BCO2: variants seen among roughly 807,000 people sequenced by gnomAD.
BCO2 encodes the protein beta-carotene oxygenase 2.
BCO2 carries 56 observed loss-of-function variants against 65.8 expected under a neutral mutation model. The observed-to-expected ratio is 0.85, with a 90% CI of 0.69 to 1.06. The LOEUF (loss-of-function observed/expected upper bound fraction) is 1.06, where lower values mean the gene tolerates loss of function less well. Ranked by LOEUF, BCO2 falls within the 50% of genes least tolerant of loss-of-function variation. The pLI, the probability that BCO2 is intolerant of heterozygous loss-of-function variation, is 0.00. For missense variants in BCO2, 675 were observed against 698.5 expected (o/e 0.97, Z 0.38); for synonymous variants, 233 against 242.3 (o/e 0.96, Z 0.36).
chr11:112,204,780 C>T (rs1337428680), intron 8 of BCO2, among the ~76,000 whole-genome samples: 1 of 152,166 alleles, frequency 6.6e-6, no homozygotes, highest in Non-Finnish European at 1.5e-5. Flanking sequence ...TCAAGCAATT[C>T]TCCAGCCTCA....
intron 2 of BCO2, chr11:112,183,281 A>T: frequency 1.5e-6 from 1 of 681,390 alleles, no homozygotes; most frequent in Non-Finnish European, 2.7e-6. Flanking sequence ...TCTAGAAGAA[A>T]TAACACTATA....
At chr11:112,214,365 TCTCGAA>T (rs1254532360) in intron 9 of BCO2, among the ~76,000 whole-genome samples, 1 of 152,118 alleles carries the variant, frequency 6.6e-6, no homozygotes. Flanking sequence ...GCCAGGCTAG[TCTCGAA>T]CTCCTGACCT....
At chr11:112,179,793 C>T (rs1248649905) in intron 2 of BCO2, 1 of 359,596 alleles carries the variant, frequency 2.8e-6, no homozygotes, top group African/African-American at 2.1e-5. Flanking sequence ...GGCAATGTCT[C>T]CTCATACCAC....
intron 2 of BCO2, chr11:112,179,869 G>A (rs1209114070): frequency 1.8e-5 from 4 of 223,574 alleles, no homozygotes; most frequent in Admixed American, 1.6e-4. Context: ...GGGCACAGTT[G>A]TATCTTCTCA....
At chr11:112,187,666 A>G (rs1443469056) in intron 2 of BCO2, among the ~76,000 whole-genome samples, 1 of 152,090 alleles carries the variant, frequency 6.6e-6, no homozygotes, top group Admixed American at 6.6e-5. Flanking sequence ...GCACTTCCCC[A>G]CACTTCTGAT....
chr11:112,199,013 G>A (rs1299693883), intron 5 of BCO2, among the ~76,000 whole-genome samples: 1 of 151,950 alleles, frequency 6.6e-6, no homozygotes, highest in Non-Finnish European at 1.5e-5. Context: ...GAACGTGCAG[G>A]TTTGTTACAT....
chr11:112,183,330 T>TC (rs1867110017), intron 2 of BCO2: 1 of 600,076 alleles, frequency 1.7e-6, no homozygotes, highest in Admixed American at 3.1e-5. Flanking sequence ...TTATGCTTGT[T>TC]CTCAGCGGTG....
chr11:112,196,621 A>G (rs1357369991), intron 5 of BCO2, among the ~76,000 whole-genome samples: 3 of 152,202 alleles, frequency 2.0e-5, no homozygotes, highest in African/African-American at 7.2e-5. Context: ...ATCACTGTAC[A>G]AAGCATGATG....
intron 8 of BCO2, among the ~76,000 whole-genome samples, chr11:112,207,989 T>A (rs942160958): frequency 1.3e-5 from 2 of 151,162 alleles, no homozygotes; most frequent in South Asian, 4.2e-4. Flanking sequence ...TGTGACGGTC[T>A]CACTCTGTCA....
intron 2 of BCO2, among the ~76,000 whole-genome samples, chr11:112,192,826 T>A (rs1867430324): frequency 6.7e-6 from 1 of 148,430 alleles, no homozygotes; most frequent in African/African-American, 2.5e-5. Flanking sequence ...TTGTTAAACA[T>A]CAGCCATCCC....
intron 8 of BCO2, among the ~76,000 whole-genome samples, chr11:112,205,747 CCA>C (rs775001963): frequency 1.4e-3 from 215 of 152,296 alleles, no homozygotes; most frequent in Non-Finnish European, 2.3e-3. Context: ...GTGCATGGCA[CCA>C]CACTCAGCTA....
At position 112,181,950 on chromosome 11, in the gene BCO2, C is replaced by T. The variant is rs562072480; in HGVS notation, c.293+2468C>T. 3,517 of 568,948 alleles carry T rather than the reference C, an allele frequency of 6.2e-3. 23 individuals are homozygous for T. The highest frequency in any genetic ancestry group is 8.8e-3 in the Non-Finnish European group (2,752 of 311,308). The allele number at this position is 568,948 out of a possible 1,614,324, so 35.2% of individuals were successfully genotyped here. On this transcript the variant is annotated intron_variant, in intron 2 of 11. Transcript: ENST00000357685. ...ATGGGAGAAAATTTTTGCAATCTAC[C>T]CATCTGACAAAGGGCTAATATCCAG...
intron 2 of BCO2, among the ~76,000 whole-genome samples, chr11:112,192,962 G>A (rs1243400722): frequency 2.6e-5 from 2 of 76,500 alleles, no homozygotes; most frequent in African/African-American, 4.4e-5. Context: ...TAAGGGTCAG[G>A]AGAATGTAAA....
At chr11:112,195,951 A>T (rs1867561824) in intron 5 of BCO2, among the ~76,000 whole-genome samples, 1 of 152,144 alleles carries the variant, frequency 6.6e-6, no homozygotes, top group South Asian at 2.1e-4. Flanking sequence ...GATCTCACCG[A>T]TTAACCCAGC....
intron 1 of BCO2, among the ~76,000 whole-genome samples, chr11:112,178,204 C>T (rs768432827): frequency 8.5e-5 from 13 of 152,084 alleles, no homozygotes; most frequent in South Asian, 2.1e-4. Context: ...CTTGAACCAC[C>T]GTGCCCCGCT....
chr11:112,203,861 TC>T, intron 8 of BCO2, among the ~76,000 whole-genome samples: 1 of 152,244 alleles, frequency 6.6e-6, no homozygotes, highest in South Asian at 2.1e-4. Flanking sequence ...TTTTTTCTTT[TC>T]TTTTTTTTTT....
chr11:112,176,519 G>GGGGC (rs1555193542), intron 1 of BCO2: 1 of 130,878 alleles, frequency 7.6e-6, no homozygotes, highest in Admixed American at 7.3e-5. Context: ...TTGATTGGCG[G>GGGGC]GGGGGGGGGA....
At chr11:112,205,278 A>G (rs781635888) in intron 8 of BCO2, among the ~76,000 whole-genome samples, 1 of 152,124 alleles carries the variant, frequency 6.6e-6, no homozygotes, top group Non-Finnish European at 1.5e-5. Flanking sequence ...CCAACAATGT[A>G]CTAGAGTTCC....
chr11:112,214,193 C>T (rs1377082349), intron 9 of BCO2, among the ~76,000 whole-genome samples: 1 of 152,008 alleles, frequency 6.6e-6, no homozygotes, highest in Admixed American at 6.6e-5. Context: ...GGCGCCCAGA[C>T]TGGAGTGCAG....
Sources: gnomAD v4.1 joint callset for allele counts (sites outside exome capture counted in the v4.1 genomes callset) on GRCh38, gnomAD v4.1.1 for gene constraint, MANE v1.5 for transcripts, NCBI Gene and HGNC (gene_info 2026-07-23, HGNC 2026-07-21) for gene names.